The following ARAP2 variants were observed in gnomAD, a reference collection of about 807,000 sequenced individuals.
ARAP2 encodes the protein ArfGAP with RhoGAP domain, ankyrin repeat and PH domain 2.
Under a neutral mutation model 194.5 loss-of-function variants are expected in ARAP2, and 148 were observed. The ratio of observed to expected loss-of-function variants is 0.76; its 90% CI spans 0.67 to 0.87. The LOEUF is 0.87. Among genes scored for constraint, ARAP2 ranks in the 40% least tolerant of loss-of-function variants. The probability of loss-of-function intolerance (pLI) is 0.00; values close to 1 mark genes in which losing one functional copy is unlikely to be tolerated. For synonymous variants in ARAP2, 695 were observed against 683.5 expected (o/e 1.02, Z -0.26); for missense variants, 2,128 against 1,989.7 (o/e 1.07, Z -1.32).
chr4:36,071,859 C>T (rs910951548), intron 32 of ARAP2, among the ~76,000 whole-genome samples: 5 of 151,278 alleles, frequency 3.3e-5, no homozygotes, highest in Non-Finnish European at 7.4e-5. Context: ...GCTCCCCCCA[C>T]CCCAACACAG....
intron 19 of ARAP2, among the ~76,000 whole-genome samples, chr4:36,139,435 C>CA (rs1560512478): frequency 6.6e-6 from 1 of 151,316 alleles, no homozygotes; most frequent in South Asian, 2.1e-4. Flanking sequence ...TTAACTTTTC[C>CA]AAAAAAAGTT....
At chr4:36,200,294 T>C (rs998784087) in intron 6 of ARAP2, among the ~76,000 whole-genome samples, 2 of 152,066 alleles carry the variant, frequency 1.3e-5, no homozygotes, top group African/African-American at 2.4e-5. Context: ...TTGTTCTTGT[T>C]GCCCAGGCTG....
In ARAP2 at chr4:36,210,668, G is replaced by A; in HGVS notation, c.1209C>T (p.Asn403=). The change falls in exon 6 of 33, where the codon AAC becomes AAT. Residue 403 remains asparagine (N), a synonymous_variant. Coordinates refer to ENST00000303965, the MANE Select transcript of ARAP2 (RefSeq NM_015230.4). ...EDIWIPREDK[N]NFLIDTASES... ...CAGAAGCAGTGTCTATCAAAAAATT[G>A]TTTTTGTCCTCTCGAGGTATCCAAA... The A allele has an allele frequency of 6.2e-7, 1 of 1,613,518 alleles. No homozygotes were observed. Among genetic ancestry groups the A allele is most frequent in the East Asian group, 2.2e-5 (1 of 44,870 alleles).
At chr4:36,011,764 T>C (rs1714608991) in intron 9 of ARAP2, among the ~76,000 whole-genome samples, 3 of 152,100 alleles carry the variant, frequency 2.0e-5, no homozygotes. Context: ...ATATGAAGTA[T>C]ATATCACAGT....
chr4:36,200,703 T>C (rs1244066280), intron 6 of ARAP2, among the ~76,000 whole-genome samples: 1 of 152,210 alleles, frequency 6.6e-6, no homozygotes, highest in East Asian at 1.9e-4. Flanking sequence ...TAAATATCAA[T>C]GATTACTAAA....
intron 28 of ARAP2, among the ~76,000 whole-genome samples, chr4:36,084,848 T>C (rs1056194349): frequency 3.3e-5 from 5 of 152,034 alleles, no homozygotes; most frequent in African/African-American, 4.8e-5. Flanking sequence ...ATTATTATCA[T>C]AGTAGATAAT....
rs559035658 is a variant in ARAP2, at chr4:36,220,894, A to G, written c.906-6414T>C. 2.5e-4 allele frequency among the ~76,000 whole-genome samples: 38 copies of G among 152,214 alleles called. No individual in the cohort carries two copies. The South Asian group carries it at 7.9e-3, about 32-fold the overall frequency. ...AGCTAGGGTTAATTTATCATTGAAG[A>G]AAAAAGTATTGCTATAAATCTAGTG... On this transcript the variant is annotated intron_variant, in intron 2 of 32. Coordinates refer to ENST00000303965, the MANE Select transcript of ARAP2 (RefSeq NM_015230.4).
At chr4:36,147,182 G>A in intron 19 of ARAP2, 114 bp downstream of exon 19, 1 of 897,232 alleles carries the variant, frequency 1.1e-6, no homozygotes, top group East Asian at 2.5e-5. Context: ...ATATGATTCA[G>A]AAAATTTCAA....
At chr4:36,051,312 C>G (rs1470414250) in intron 3 of ARAP2, among the ~76,000 whole-genome samples, 2 of 152,028 alleles carry the variant, frequency 1.3e-5, no homozygotes, top group African/African-American at 4.8e-5. Context: ...AACCCCTTCT[C>G]TACTAAAAAT....
At chr4:36,063,367 T>A (rs1438327892), downstream of ARAP2, among the ~76,000 whole-genome samples, 4 of 151,724 alleles carry the variant, frequency 2.6e-5, no homozygotes, top group Non-Finnish European at 5.9e-5. Flanking sequence ...AAATGACAAG[T>A]TAATGGGTGC....
chr4:36,146,023 T>C (rs946555515), intron 19 of ARAP2, among the ~76,000 whole-genome samples: 4 of 152,024 alleles, frequency 2.6e-5, no homozygotes, highest in African/African-American at 9.7e-5. Flanking sequence ...AACCAAACTC[T>C]TGATCTACTG....
chr4:36,159,423 G>A lies in ARAP2; in HGVS notation c.2525C>T (p.Thr842Ile), dbSNP rs763458955. The A allele has an allele frequency of 1.2e-6, 2 of 1,611,708 alleles. No homozygotes were observed. The highest frequency in any genetic ancestry group is 1.7e-6 in the Non-Finnish European group (2 of 1,178,368). ...LFSGADVMCA[T>I]GDPVHSTPYL... is the part of the protein sequence containing the mutation. ...GGGGGTGCTATGCACGGGGTCTCCG[G>A]TGGCACACATGACATCTGCTCCACT... Residue 842 changes from threonine to isoleucine, a missense_variant, in exon 14 of 33, where the codon ACC becomes ATC. Thr to Ile is a moderately conservative substitution (Grantham distance 89). Transcript: ENST00000303965.
rs1018496152 is a variant in ARAP2 at position 36,126,041 on chromosome 4, T to C, written c.3641-1074A>G. 3.9e-5 allele frequency among the ~76,000 whole-genome samples: 6 copies of C among 151,908 alleles called. No individual in the cohort carries two copies. In the South Asian group the frequency reaches 1.0e-3, roughly 26 times the overall value. On this transcript the variant is annotated intron_variant, in intron 21 of 32. Coordinates refer to ENST00000303965, the MANE Select transcript of ARAP2 (RefSeq NM_015230.4). The stretch of plus-strand genomic sequence containing the variant: ...TTTTCAAGTGCACACCTATTCAAAA[T>C]TGCAAGTGATATCTCTTTTGTACTG...
At chr4:36,161,811 A>C (rs969556498) in intron 11 of ARAP2, among the ~76,000 whole-genome samples, 4 of 150,840 alleles carry the variant, frequency 2.7e-5, no homozygotes, top group Non-Finnish European at 5.9e-5. Flanking sequence ...AAAAAAAAAA[A>C]AAAAAAAAAC....
At chr4:36,053,487 C>T (rs1723029014) in intron 2 of ARAP2, among the ~76,000 whole-genome samples, 1 of 152,142 alleles carries the variant, frequency 6.6e-6, no homozygotes, top group Non-Finnish European at 1.5e-5. Context: ...AATCTCCACT[C>T]CTGCCCAAGA....
chr4:36,235,954 A>C (rs1752367230), intron 1 of ARAP2, among the ~76,000 whole-genome samples: 1 of 152,042 alleles, frequency 6.6e-6, no homozygotes, highest in Non-Finnish European at 1.5e-5. Context: ...AGGTGGGTGG[A>C]TTGCTTGAGC....
chr4:36,155,682 G>A lies in ARAP2; in HGVS notation c.2752+3048C>T, dbSNP rs559312058. 1.2e-4 allele frequency among the ~76,000 whole-genome samples: 17 copies of A among 147,782 alleles called. No individual in the cohort carries two copies. In the East Asian group the frequency reaches 3.4e-3, roughly 29 times the overall value. ...TTTTTTATTTTTAATTTTTTTTTTAGACCGAGTCTCGCTGTGTCTCCCAGG... is the reference window on the plus strand; with the variant it reads ...TTTTTTATTTTTAATTTTTTTTTTAAACCGAGTCTCGCTGTGTCTCCCAGG... On this transcript the variant is annotated intron_variant, in intron 15 of 32. Coordinates refer to ENST00000303965, the MANE Select transcript of ARAP2 (RefSeq NM_015230.4).
At chr4:36,035,958 CTG>C (rs1261223477) in intron 5 of ARAP2, among the ~76,000 whole-genome samples, 3 of 152,054 alleles carry the variant, frequency 2.0e-5, no homozygotes, top group African/African-American at 7.2e-5. Flanking sequence ...TTTGCAGAGT[CTG>C]TTTCTGAAAT....
At chr4:36,128,075 T>C (rs1724400545) in intron 21 of ARAP2, among the ~76,000 whole-genome samples, 1 of 151,930 alleles carries the variant, frequency 6.6e-6, no homozygotes, top group South Asian at 2.1e-4. Flanking sequence ...CTAGAATAAA[T>C]GAAGCAAAAG....
Sources: gnomAD v4.1 joint callset for allele counts (sites outside exome capture counted in the v4.1 genomes callset) on GRCh38, gnomAD v4.1.1 for gene constraint, MANE v1.5 for transcripts, NCBI Gene and HGNC (gene_info 2026-07-23, HGNC 2026-07-21) for gene names.